SLC8A1: variants seen among roughly 807,000 people sequenced by gnomAD.
SLC8A1 encodes solute carrier family 8 member A1, also known as sodium/calcium exchanger 1.
Under a neutral mutation model 68.3 loss-of-function variants are expected in SLC8A1, and 18 were observed. The observed-to-expected ratio is 0.26, with a 90% confidence interval of 0.18 to 0.39. The LOEUF is 0.39. Among genes scored for constraint, SLC8A1 ranks in the 10% least tolerant of loss-of-function variants. The pLI, the probability that SLC8A1 is intolerant of heterozygous loss-of-function variation, is 1.00. For missense variants in SLC8A1, 985 were observed against 1,156.7 expected, an observed-to-expected ratio of 0.85 and a Z score of 2.15; for synonymous variants, 475 against 415.5, an observed-to-expected ratio of 1.14 and a Z score of -1.74.
intron 1 of SLC8A1, among the ~76,000 whole-genome samples, chr2:40,493,319 G>T (rs1320191805): frequency 7.5e-6 from 1 of 133,162 alleles, no homozygotes; most frequent in Non-Finnish European, 1.6e-5. Context: ...CACAGGAAGG[G>T]GAACATCACT....
At position 40,367,218 on chromosome 2, in the gene SLC8A1, T is replaced by C. The variant is rs558245088; in HGVS notation, c.1808+61255A>G. 3.9e-5 allele frequency among the ~76,000 whole-genome samples: 6 copies of C among 152,144 alleles called. No individual in the cohort carries two copies. The South Asian group carries it at 6.2e-4, about 16-fold the overall frequency. On this transcript the variant is annotated intron_variant, in intron 2 of 7. Transcript: ENST00000406785. ...TTGCTTAATCAGGCAGATGGCATCC[T>C]TGTTCTGCCTCCTAGTCTCTGCTTC... is the stretch of plus-strand genomic sequence containing the variant.
At chr2:40,299,745 A>G (rs2071084846) in intron 2 of SLC8A1, among the ~76,000 whole-genome samples, 1 of 152,208 alleles carries the variant, frequency 6.6e-6, no homozygotes, top group South Asian at 2.1e-4. Context: ...GTGGAAATGC[A>G]GTTCGGTGAA....
intron 2 of SLC8A1, among the ~76,000 whole-genome samples, chr2:40,233,646 G>A (rs184952502): frequency 1.4e-5 from 2 of 138,712 alleles, no homozygotes; most frequent in African/African-American, 5.4e-5. Context: ...ATTGCTTTTG[G>A]TGTTTTAGAC....
At chr2:40,359,907 A>G (rs1674046415) in intron 2 of SLC8A1, among the ~76,000 whole-genome samples, 1 of 148,398 alleles carries the variant, frequency 6.7e-6, no homozygotes, top group South Asian at 2.2e-4. Context: ...CTGGTTTTAA[A>G]TATCTTTTAC....
chr2:40,390,065 T>C (rs907499072), intron 2 of SLC8A1, among the ~76,000 whole-genome samples: 8 of 152,052 alleles, frequency 5.3e-5, no homozygotes, highest in Non-Finnish European at 8.8e-5. Flanking sequence ...ATAATATAGA[T>C]ATGTTGTAAT....
chr2:40,476,057 C>T (rs1274826360), intron 1 of SLC8A1, among the ~76,000 whole-genome samples: 1 of 152,020 alleles, frequency 6.6e-6, no homozygotes, highest in Non-Finnish European at 1.5e-5. Flanking sequence ...TAAATGATGA[C>T]AAATAGCATC....
intron 2 of SLC8A1, among the ~76,000 whole-genome samples, chr2:40,349,515 CT>C: frequency 6.6e-6 from 1 of 152,238 alleles, no homozygotes; most frequent in South Asian, 2.1e-4. Flanking sequence ...GCTAAATGAC[CT>C]TGGGTAAGTT....
At chr2:40,252,964 T>C (rs2063094364) in intron 2 of SLC8A1, among the ~76,000 whole-genome samples, 1 of 145,846 alleles carries the variant, frequency 6.9e-6, no homozygotes, top group Admixed American at 6.9e-5. Flanking sequence ...TGTGTGTATA[T>C]GTATGTACAT....
At chr2:40,440,176 T>C (rs913320473) in intron 1 of SLC8A1, among the ~76,000 whole-genome samples, 36 of 152,190 alleles carry the variant, frequency 2.4e-4, no homozygotes, top group African/African-American at 8.7e-4. Context: ...CAATCTTATA[T>C]ACCTGTGTTT....
At chr2:40,252,638 G>A (rs72794786) in intron 2 of SLC8A1, among the ~76,000 whole-genome samples, 6,346 of 152,076 alleles carry the variant, frequency 0.042, 139 homozygotes, top group African/African-American at 0.057. Context: ...AATCACGCCC[G>A]GCCAAGATAG....
At chr2:40,444,478 C>A (rs1701072389) in intron 1 of SLC8A1, among the ~76,000 whole-genome samples, 1 of 152,098 alleles carries the variant, frequency 6.6e-6, no homozygotes. Context: ...AAAACAAATT[C>A]TGTGAATTTC....
exon 2 of SLC8A1, chr2:40,428,672 C>T (rs774920726): frequency 3.7e-6 from 6 of 1,613,572 alleles, no homozygotes; most frequent in Non-Finnish European, 4.2e-6. Flanking sequence ...AAAATGCCTG[C>T]GTGGTCATCA....
chr2:40,431,965 A>T (rs1281877063), intron 1 of SLC8A1, among the ~76,000 whole-genome samples: 2 of 152,154 alleles, frequency 1.3e-5, no homozygotes, highest in Non-Finnish European at 2.9e-5. Context: ...TACTAAAGAA[A>T]ATCAGAGGAG....
intron 2 of SLC8A1, among the ~76,000 whole-genome samples, chr2:40,193,818 T>C (rs889789206): frequency 6.6e-6 from 1 of 152,074 alleles, no homozygotes; most frequent in Non-Finnish European, 1.5e-5. Context: ...GAGCCTAAAG[T>C]CCCTGCCTGA....
chr2:40,264,630 C>G (rs1305715712), intron 2 of SLC8A1, among the ~76,000 whole-genome samples: 4 of 152,118 alleles, frequency 2.6e-5, no homozygotes, highest in African/African-American at 7.2e-5. Context: ...TGTTCTCACT[C>G]ATAGGTGGGA....
chr2:40,177,113 G>A (rs1215831158), intron 3 of SLC8A1, among the ~76,000 whole-genome samples: 6 of 152,044 alleles, frequency 3.9e-5, no homozygotes, highest in Non-Finnish European at 8.8e-5. Flanking sequence ...GGAGCATAAA[G>A]CTAGGTAGGC....
chr2:40,448,947 G>A (rs368536832), intron 1 of SLC8A1, among the ~76,000 whole-genome samples: 10 of 151,908 alleles, frequency 6.6e-5, no homozygotes, highest in South Asian at 2.1e-4. Context: ...AACATACTAC[G>A]AAAATATAAA....
chr2:40,297,253 C>T (rs2070567075), intron 2 of SLC8A1, among the ~76,000 whole-genome samples: 1 of 152,152 alleles, frequency 6.6e-6, no homozygotes, highest in Non-Finnish European at 1.5e-5. Flanking sequence ...TACATAAATA[C>T]ATGTTCATAA....
chr2:40,320,492 T>C (rs546193591), intron 2 of SLC8A1, among the ~76,000 whole-genome samples: 75 of 152,286 alleles, frequency 4.9e-4, no homozygotes, highest in Non-Finnish European at 1.0e-3. Context: ...CAAATAAATG[T>C]AAAACTACAA....
Sources: allele counts gnomAD v4.1 joint callset (sites outside exome capture counted in the v4.1 genomes callset), GRCh38; gene constraint gnomAD v4.1.1; transcripts MANE v1.5; gene names NCBI Gene and HGNC (gene_info 2026-07-23, HGNC 2026-07-21).